Variants in IGF1 observed in about 807,000 individuals in gnomAD.
IGF1 encodes the protein insulin-like growth factor 1.
IGF1 carries 4 observed loss-of-function variants against 13.8 expected under a neutral mutation model. The observed-to-expected ratio is 0.29, with a 90% CI of 0.14 to 0.66. IGF1 has a LOEUF of 0.66. Among genes scored for constraint, IGF1 ranks in the 30% least tolerant of loss-of-function variants. The pLI is 0.78. For synonymous variants in IGF1, 76 were observed against 72.6 expected (o/e 1.05, Z -0.23); for missense variants, 124 against 188.5 (o/e 0.66, Z 2.00).
At chr12:102,452,792 C>T (rs539066908) in intron 2 of IGF1, among the ~76,000 whole-genome samples, 5 of 152,248 alleles carry the variant, frequency 3.3e-5, no homozygotes, top group Admixed American at 1.3e-4. Context: ...CAAAGAGGAG[C>T]GCTTGGGCTG....
chr12:102,435,679 A>T (rs1487165025), intron 2 of IGF1, among the ~76,000 whole-genome samples: 1 of 152,210 alleles, frequency 6.6e-6, no homozygotes, highest in African/African-American at 2.4e-5. Context: ...CTTGTCCCCA[A>T]ACCTCATGAA....
Position 102,400,241 on chromosome 12 carries a change from A to G in IGF1, c.*2266T>C, listed in dbSNP as rs6216. On this transcript the variant is annotated 3_prime_UTR_variant, in exon 4 of 4. Coordinates refer to ENST00000337514, the MANE Select transcript of IGF1 (RefSeq NM_000618.5). ...ACTTTCCAAGAATGTAAAATATAGA[A>G]TTTGCATGAAATAATCAAGCCTGGG... 1.2e-3 allele frequency: 181 copies of G among 152,186 alleles called. No homozygotes were observed. The highest frequency in any genetic ancestry group is 4.2e-3 in the African/African-American group (174 of 41,522). The allele number at this position is 152,186 out of a possible 1,614,324, so 9.4% of individuals were successfully genotyped here.
chr12:102,479,800 C>T (rs1881293561), intron 1 of IGF1, among the ~76,000 whole-genome samples: 1 of 152,144 alleles, frequency 6.6e-6, no homozygotes, highest in African/African-American at 2.4e-5. Flanking sequence ...GGGACCTTAG[C>T]TCCAAAGATC....
At chr12:102,479,994 G>T (rs994352792) in intron 1 of IGF1, among the ~76,000 whole-genome samples, 1 of 150,410 alleles carries the variant, frequency 6.6e-6, no homozygotes, top group African/African-American at 2.4e-5. Context: ...AAATCCCCAA[G>T]TTCATATCCA....
rs961358519 is a variant in IGF1 at position 102,397,437 on chromosome 12, T to C, written c.*5070A>G. 5 of 152,200 alleles carry C rather than the reference T, an allele frequency of 3.3e-5. No homozygotes were observed. The highest frequency in any genetic ancestry group is 1.2e-4 in the African/African-American group (5 of 41,458). 9.4% of individuals were successfully genotyped at this position (152,200 alleles called of 1,614,324 possible). On this transcript the variant is annotated 3_prime_UTR_variant, in exon 4 of 4. Coordinates refer to ENST00000337514, the MANE Select transcript of IGF1 (RefSeq NM_000618.5). The stretch of plus-strand genomic sequence containing the variant: ...ACAAAAGCATTGTTCCAGATAGGAA[T>C]TGGTTATTTAAATTGATATCTTTAT...
chr12:102,422,490 A>G (rs915320585), intron 2 of IGF1, among the ~76,000 whole-genome samples: 71 of 152,342 alleles, frequency 4.7e-4, no homozygotes, highest in Middle Eastern at 3.4e-3. Context: ...AATATTTAAC[A>G]AACAAAAAAC....
In IGF1 at chr12:102,402,423, G is replaced by A; in HGVS notation, c.*84C>T. On this transcript the variant is annotated 3_prime_UTR_variant, in exon 4 of 4. Coordinates refer to ENST00000337514, the MANE Select transcript of IGF1 (RefSeq NM_000618.5). ...TGTTATCAAACTTATTTTTTGGTAGGTGTTCCAAAGTTTAACAGGTAACTC... is the reference window on the plus strand; with the variant it reads ...TGTTATCAAACTTATTTTTTGGTAGATGTTCCAAAGTTTAACAGGTAACTC... 2 of 777,924 alleles carry A rather than the reference G, an allele frequency of 2.6e-6. No homozygotes were observed. Among genetic ancestry groups the A allele is most frequent in the Admixed American group, 1.7e-5 (1 of 58,696 alleles). 48.2% of individuals were successfully genotyped at this position (777,924 alleles called of 1,614,324 possible).
At chr12:102,441,926 T>TCCC (rs1877815328) in intron 2 of IGF1, among the ~76,000 whole-genome samples, 1 of 127,268 alleles carries the variant, frequency 7.9e-6, no homozygotes, top group African/African-American at 2.9e-5. Context: ...CTTCTTCTTC[T>TCCC]TCTTCTTCTT....
intron 2 of IGF1, among the ~76,000 whole-genome samples, chr12:102,471,343 A>G (rs1206055678): frequency 6.6e-6 from 1 of 152,198 alleles, no homozygotes; most frequent in Non-Finnish European, 1.5e-5. Flanking sequence ...CCCTTGTTCT[A>G]TGGACAAGGA....
At chr12:102,455,451 A>C (rs1278543225) in intron 2 of IGF1, among the ~76,000 whole-genome samples, 1 of 152,216 alleles carries the variant, frequency 6.6e-6, no homozygotes, top group Non-Finnish European at 1.5e-5. Context: ...CCTCTGATTC[A>C]TGTTTTTCCA....
chr12:102,465,936 CAAAT>C (rs3032454), intron 2 of IGF1, among the ~76,000 whole-genome samples: 39,456 of 138,992 alleles, frequency 0.28, 5,662 homozygotes, highest in East Asian at 0.38. Flanking sequence ...GACTCTGTTT[CAAAT>C]AAATAAATAA....
At position 102,434,418 on chromosome 12, in the gene IGF1, C is replaced by T. The variant is rs376032940; in HGVS notation, c.221-14728G>A. Among the ~76,000 whole-genome samples the T allele has an allele frequency of 1.7e-4, 26 of 150,748 alleles. 1 individual carries two copies. The highest frequency in any genetic ancestry group is 2.6e-4 in the Admixed American group (4 of 15,110). Reference sequence around the variant, plus strand: ...TGCGGTGTTTGGTTTTCTGTCCCTGCGATAGTTTACTGAGAATGATGGTTT... The same window carrying T: ...TGCGGTGTTTGGTTTTCTGTCCCTGTGATAGTTTACTGAGAATGATGGTTT... On this transcript the variant is annotated intron_variant, in intron 2 of 3. Coordinates refer to ENST00000337514, the MANE Select transcript of IGF1 (RefSeq NM_000618.5).
chr12:102,435,748 T>A (rs565158321), intron 2 of IGF1, among the ~76,000 whole-genome samples: 34 of 152,310 alleles, frequency 2.2e-4, no homozygotes, highest in Non-Finnish European at 4.6e-4. Flanking sequence ...GTGCCCAAGA[T>A]AACTAACACA....
At chr12:102,417,968 A>G (rs1478472112) in intron 3 of IGF1, 2 of 1,613,176 alleles carry the variant, frequency 1.2e-6, no homozygotes, top group Admixed American at 3.3e-5. Flanking sequence ...TCCTTCTCTG[A>G]GACTTCGTGT....
At chr12:102,418,250 T>C (rs1180338355) in intron 3 of IGF1, among the ~76,000 whole-genome samples, 1 of 152,224 alleles carries the variant, frequency 6.6e-6, no homozygotes, top group Admixed American at 6.5e-5. Flanking sequence ...TGAATCTGCC[T>C]TTGCCCCAGC....
intron 1 of IGF1, among the ~76,000 whole-genome samples, chr12:102,479,725 T>C (rs1446912368): frequency 6.6e-6 from 1 of 152,190 alleles, no homozygotes; most frequent in Non-Finnish European, 1.5e-5. Context: ...GAGTTCTTTT[T>C]TGGAAGAACA....
At chr12:102,423,659 G>A (rs541543170) in intron 2 of IGF1, among the ~76,000 whole-genome samples, 1 of 152,224 alleles carries the variant, frequency 6.6e-6, no homozygotes, top group South Asian at 2.1e-4. Flanking sequence ...TATAATAACA[G>A]CACTTCCCTT....
intron 2 of IGF1, among the ~76,000 whole-genome samples, chr12:102,455,913 T>C (rs144793773): frequency 5.3e-4 from 81 of 152,284 alleles, no homozygotes; most frequent in African/African-American, 1.9e-3. Flanking sequence ...TGGGATCCCA[T>C]TGGATATCGC....
At chr12:102,404,470 G>C (rs1490145439) in intron 3 of IGF1, among the ~76,000 whole-genome samples, 1 of 152,198 alleles carries the variant, frequency 6.6e-6, no homozygotes, top group Non-Finnish European at 1.5e-5. Flanking sequence ...CTTCATGAAA[G>C]GTAGCTAGTG....
Sources: allele counts gnomAD v4.1 joint callset (sites outside exome capture counted in the v4.1 genomes callset), GRCh38; gene constraint gnomAD v4.1.1; transcripts MANE v1.5; gene names NCBI Gene and HGNC (gene_info 2026-07-23, HGNC 2026-07-21).